SYT1: variants seen among roughly 807,000 people sequenced by gnomAD.
SYT1 encodes synaptotagmin-1.
Under a neutral mutation model 44.8 loss-of-function variants are expected in SYT1, and 8 were observed. The observed-to-expected ratio is 0.18, with a 90% CI of 0.10 to 0.32. The LOEUF is 0.32. SYT1 is among the 10% of genes least tolerant of loss of function. SYT1 has a pLI of 1.00. For missense variants in SYT1, 286 were observed against 509.3 expected, an observed-to-expected ratio of 0.56 and a Z score of 4.22; for synonymous variants, 154 against 188.8, an observed-to-expected ratio of 0.82 and a Z score of 1.51.
chr12:78,900,429 T>G (rs1332345780), intron 1 of SYT1, among the ~76,000 whole-genome samples: 2 of 152,052 alleles, frequency 1.3e-5, no homozygotes. Flanking sequence ...GAAAATGATG[T>G]GGGGAGACAG....
chr12:79,008,207 A>C (rs569985187), intron 2 of SYT1, among the ~76,000 whole-genome samples: 1 of 152,148 alleles, frequency 6.6e-6, no homozygotes, highest in East Asian at 1.9e-4. Context: ...CCATCCTGGA[A>C]TATCTGAAGG....
At chr12:78,942,881 T>C (rs562260602) in intron 1 of SYT1, among the ~76,000 whole-genome samples, 1 of 152,258 alleles carries the variant, frequency 6.6e-6, no homozygotes, top group Non-Finnish European at 1.5e-5. Flanking sequence ...TGAGCGGAAC[T>C]CTCAAAGTCA....
intron 1 of SYT1, among the ~76,000 whole-genome samples, chr12:78,888,302 T>C (rs1252676661): frequency 6.6e-6 from 1 of 151,886 alleles, no homozygotes; most frequent in East Asian, 1.9e-4. Context: ...TTTCCTCTCC[T>C]GGAAATCCTT....
chr12:78,965,949 C>T (rs980870295), intron 1 of SYT1, among the ~76,000 whole-genome samples: 1 of 151,658 alleles, frequency 6.6e-6, no homozygotes, highest in Non-Finnish European at 1.5e-5. Context: ...CGGTGGCAGG[C>T]GCCTGTAATC....
At chr12:79,445,414 T>C (rs1870652680) in intron 10 of SYT1, among the ~76,000 whole-genome samples, 1 of 152,114 alleles carries the variant, frequency 6.6e-6, no homozygotes, top group Non-Finnish European at 1.5e-5. Flanking sequence ...TCATTCCTCC[T>C]ATGTAGCTGT....
intron 3 of SYT1, among the ~76,000 whole-genome samples, chr12:79,048,579 C>T (rs1006419880): frequency 5.3e-5 from 8 of 151,852 alleles, no homozygotes; most frequent in East Asian, 3.9e-4. Flanking sequence ...TAGTTATGAA[C>T]GGCCATATAT....
chr12:79,196,981 TA>T (rs1288471611), intron 3 of SYT1, among the ~76,000 whole-genome samples: 5 of 152,250 alleles, frequency 3.3e-5, no homozygotes, highest in African/African-American at 1.2e-4. Flanking sequence ...CAGCAATTAA[TA>T]AATGGACTGT....
chr12:78,994,821 C>T (rs1372073455), intron 2 of SYT1, among the ~76,000 whole-genome samples: 2 of 152,298 alleles, frequency 1.3e-5, no homozygotes, highest in Non-Finnish European at 2.9e-5. Flanking sequence ...AGGCGTGAGC[C>T]ACTGTGCCCG....
intron 3 of SYT1, among the ~76,000 whole-genome samples, chr12:79,099,012 A>C (rs1878301973): frequency 6.6e-6 from 1 of 152,134 alleles, no homozygotes; most frequent in African/African-American, 2.4e-5. Flanking sequence ...GCCAATGGTA[A>C]TTTTCTACAT....
intron 9 of SYT1, among the ~76,000 whole-genome samples, chr12:79,375,768 CT>C (rs1211734609): frequency 6.6e-6 from 1 of 152,064 alleles, no homozygotes; most frequent in Non-Finnish European, 1.5e-5. Flanking sequence ...CTGATGCCCC[CT>C]CTAGATTGTG....
At chr12:79,433,741 C>T (rs1251514931) in intron 9 of SYT1, among the ~76,000 whole-genome samples, 1 of 152,146 alleles carries the variant, frequency 6.6e-6, no homozygotes, top group Admixed American at 6.5e-5. Flanking sequence ...GTTTACCCTT[C>T]CTGAAAGATT....
chr12:79,095,330 C>T (rs1878053990), intron 3 of SYT1, among the ~76,000 whole-genome samples: 1 of 151,798 alleles, frequency 6.6e-6, no homozygotes, highest in Non-Finnish European at 1.5e-5. Flanking sequence ...CCCAGAGATC[C>T]AAAAACTTTT....
chr12:79,258,844 T>C (rs953860024), intron 4 of SYT1, among the ~76,000 whole-genome samples: 2 of 152,210 alleles, frequency 1.3e-5, no homozygotes, highest in Non-Finnish European at 2.9e-5. Context: ...ATTTTAATAA[T>C]ATTTGAAAGA....
At chr12:78,873,305 TG>T (rs1407604842) in intron 1 of SYT1, among the ~76,000 whole-genome samples, 1 of 151,762 alleles carries the variant, frequency 6.6e-6, no homozygotes, top group Non-Finnish European at 1.5e-5. Flanking sequence ...AGTTTGCTTT[TG>T]CTTATCTAAC....
chr12:78,907,127 A>G (rs957698031), intron 1 of SYT1, among the ~76,000 whole-genome samples: 10 of 152,054 alleles, frequency 6.6e-5, no homozygotes, highest in African/African-American at 2.4e-4. Flanking sequence ...ATTACCTTAT[A>G]AAATCACCTT....
At chr12:79,083,955 A>C (rs910986047) in intron 3 of SYT1, among the ~76,000 whole-genome samples, 3 of 152,180 alleles carry the variant, frequency 2.0e-5, no homozygotes, top group Non-Finnish European at 4.4e-5. Context: ...ACAAATGAGC[A>C]TATCTCCTAA....
chr12:79,224,236 T>G (rs1330365827), intron 4 of SYT1, among the ~76,000 whole-genome samples: 1 of 152,200 alleles, frequency 6.6e-6, no homozygotes, highest in African/African-American at 2.4e-5. Flanking sequence ...ATACTTACTA[T>G]GTACTAGGCA....
chr12:79,308,574 AAAAGAAGGAAAAGAAAG>A (rs1565901271), intron 8 of SYT1, among the ~76,000 whole-genome samples: 2 of 144,224 alleles, frequency 1.4e-5, no homozygotes, highest in African/African-American at 5.3e-5. Context: ...GAAAAGAAAG[AAAAGAAGGAAAAGAAAG>A]AAGAAAGAAA....
At chr12:79,019,344 A>G (rs530020420) in intron 2 of SYT1, among the ~76,000 whole-genome samples, 117 of 152,190 alleles carry the variant, frequency 7.7e-4, no homozygotes, top group African/African-American at 2.2e-3. Flanking sequence ...ATTTGAAGCC[A>G]AATTAAGTTA....
Sources: allele counts gnomAD v4.1 joint callset (sites outside exome capture counted in the v4.1 genomes callset), GRCh38; gene constraint gnomAD v4.1.1; transcripts MANE v1.5; gene names NCBI Gene and HGNC (gene_info 2026-07-23, HGNC 2026-07-21).